The following MGAT5 variants were observed in gnomAD, a reference collection of about 807,000 sequenced individuals.
MGAT5 encodes the protein alpha-1,6-mannosylglycoprotein 6-beta-N-acetylglucosaminyltransferase A.
A neutral mutation model predicts 94.3 loss-of-function variants in MGAT5; 30 were observed. The observed-to-expected ratio is 0.32, with a 90% CI of 0.24 to 0.43. MGAT5 has a LOEUF of 0.43. Ranked by LOEUF, MGAT5 falls within the 20% of genes least tolerant of loss-of-function variation. The probability of loss-of-function intolerance (pLI) is 1.00; values close to 1 mark genes in which losing one functional copy is unlikely to be tolerated. For synonymous variants in MGAT5, 310 were observed against 322.9 expected, an observed-to-expected ratio of 0.96 and a Z score of 0.43; for missense variants, 691 against 905.5, an observed-to-expected ratio of 0.76 and a Z score of 3.04.
intron 1 of MGAT5, among the ~76,000 whole-genome samples, chr2:134,162,273 AT>A (rs1190010728): frequency 1.3e-5 from 2 of 151,950 alleles, no homozygotes; most frequent in Non-Finnish European, 2.9e-5. Context: ...TCTTGTACTC[AT>A]GGTGTTAGGA....
chr2:134,436,690 C>T (rs890115710), intron 14 of MGAT5, among the ~76,000 whole-genome samples: 3 of 152,316 alleles, frequency 2.0e-5, no homozygotes, highest in Admixed American at 1.3e-4. Context: ...AATGCAGTAC[C>T]TTGGAAGCTC....
intron 2 of MGAT5, among the ~76,000 whole-genome samples, chr2:134,282,387 C>T (rs2105724950): frequency 6.6e-6 from 1 of 152,268 alleles, no homozygotes; most frequent in Middle Eastern, 3.4e-3. Context: ...ATCATCTCTA[C>T]CTTTGAGTTG....
At chr2:134,173,235 T>C (rs1218244652) in intron 1 of MGAT5, among the ~76,000 whole-genome samples, 1 of 152,226 alleles carries the variant, frequency 6.6e-6, no homozygotes, top group Non-Finnish European at 1.5e-5. Context: ...AATAGGAATG[T>C]GACTTCATTT....
At chr2:134,168,586 G>A (rs775828444) in intron 1 of MGAT5, among the ~76,000 whole-genome samples, 9 of 152,226 alleles carry the variant, frequency 5.9e-5, no homozygotes, top group Non-Finnish European at 1.3e-4. Flanking sequence ...TGAAAGCCAC[G>A]TGAAGCTAGT....
In MGAT5 at chr2:134,450,577, G is replaced by A. The variant is rs1036833987; in HGVS notation, c.*1730G>A. The A allele has an allele frequency of 1.3e-5, 2 of 152,166 alleles. No homozygotes were observed. The highest frequency in any genetic ancestry group is 4.8e-5 in the African/African-American group (2 of 41,426). 9.4% of individuals were successfully genotyped at this position (152,166 alleles called of 1,614,324 possible). A position where few individuals can be genotyped will look rare whatever the true frequency, so the allele number is the denominator to read the frequency against. The stretch of plus-strand genomic sequence containing the variant: ...GATCCCTGCTCAGTGCGTCTCAATT[G>A]TATCTCCAGTCTAAGAGGAGGGTGG... On this transcript the variant is annotated 3_prime_UTR_variant, in exon 16 of 16. Transcript: ENST00000281923.
intron 1 of MGAT5, among the ~76,000 whole-genome samples, chr2:134,153,261 ATAACT>A (rs1267401452): frequency 5.3e-5 from 8 of 152,230 alleles, no homozygotes; most frequent in Admixed American, 1.3e-4. Flanking sequence ...GGTTAAAAAA[ATAACT>A]TAAGGAGCAC....
intron 2 of MGAT5, among the ~76,000 whole-genome samples, chr2:134,283,660 T>TC (rs1162768450): frequency 4.8e-5 from 7 of 147,124 alleles, no homozygotes; most frequent in Admixed American, 4.7e-4. Context: ...TTTTTTTTTT[T>TC]TTTTTTTTTT....
intron 2 of MGAT5, among the ~76,000 whole-genome samples, chr2:134,301,302 T>C (rs968530384): frequency 6.6e-6 from 1 of 152,154 alleles, no homozygotes; most frequent in Non-Finnish European, 1.5e-5. Context: ...TCATTTCCAG[T>C]TGTGAGCTGT....
At chr2:134,368,262 A>C (rs920292770) in intron 10 of MGAT5, among the ~76,000 whole-genome samples, 4 of 152,112 alleles carry the variant, frequency 2.6e-5, no homozygotes, top group Non-Finnish European at 5.9e-5. Context: ...CACAGGTAAA[A>C]TGTTGCTCCT....
chr2:134,227,270 G>A (rs1195734683), intron 1 of MGAT5, among the ~76,000 whole-genome samples: 1 of 152,150 alleles, frequency 6.6e-6, no homozygotes, highest in Non-Finnish European at 1.5e-5. Context: ...CTGCAACAGT[G>A]AGAAACTTGA....
At chr2:134,297,131 A>G (rs1349791228) in intron 2 of MGAT5, among the ~76,000 whole-genome samples, 1 of 150,196 alleles carries the variant, frequency 6.7e-6, no homozygotes, top group African/African-American at 2.5e-5. Context: ...CAGGAGATTA[A>G]GATTGCAGTG....
At chr2:134,154,955 A>G (rs563619215) in intron 1 of MGAT5, among the ~76,000 whole-genome samples, 7 of 152,266 alleles carry the variant, frequency 4.6e-5, no homozygotes, top group African/African-American at 1.7e-4. Flanking sequence ...CTAAACAAAG[A>G]ACAGACTTTT....
intron 10 of MGAT5, among the ~76,000 whole-genome samples, chr2:134,375,447 A>G (rs1206427619): frequency 2.0e-5 from 3 of 152,232 alleles, no homozygotes; most frequent in Admixed American, 1.3e-4. Context: ...GAAATCCACT[A>G]TGCAGAGTAG....
chr2:134,188,376 A>G (rs1307079823), intron 1 of MGAT5, among the ~76,000 whole-genome samples: 3 of 152,236 alleles, frequency 2.0e-5, no homozygotes, highest in Admixed American at 6.5e-5. Flanking sequence ...CCCCTCTGCC[A>G]TGTGGCCTTG....
intron 9 of MGAT5, among the ~76,000 whole-genome samples, chr2:134,360,738 G>A (rs1680035114): frequency 6.6e-6 from 1 of 152,206 alleles, no homozygotes; most frequent in Admixed American, 6.5e-5. Context: ...GGGGAGAAAA[G>A]CAACTATCGC....
At chr2:134,178,473 T>G (rs911061542) in intron 1 of MGAT5, among the ~76,000 whole-genome samples, 5 of 151,938 alleles carry the variant, frequency 3.3e-5, no homozygotes, top group Non-Finnish European at 7.4e-5. Flanking sequence ...GCAAATGGAG[T>G]TGGGAGAGAG....
chr2:134,355,428 T>C (rs1679672889), intron 9 of MGAT5, among the ~76,000 whole-genome samples: 1 of 152,194 alleles, frequency 6.6e-6, no homozygotes. Context: ...TCCTAAGTCA[T>C]AGTTATTTGG....
At chr2:134,329,344 A>G (rs1039587043) in intron 4 of MGAT5, among the ~76,000 whole-genome samples, 3 of 152,088 alleles carry the variant, frequency 2.0e-5, no homozygotes, top group Non-Finnish European at 4.4e-5. Context: ...ATGTGATCCA[A>G]TTTTGGCGTT....
chr2:134,143,332 G>A (rs1299404658), intron 1 of MGAT5, among the ~76,000 whole-genome samples: 1 of 152,218 alleles, frequency 6.6e-6, no homozygotes, highest in Admixed American at 6.5e-5. Flanking sequence ...GACTGATTCT[G>A]TGTTTTGTGG....
Sources: gnomAD v4.1 joint callset for allele counts (sites outside exome capture counted in the v4.1 genomes callset) on GRCh38, gnomAD v4.1.1 for gene constraint, MANE v1.5 for transcripts, NCBI Gene and HGNC (gene_info 2026-07-23, HGNC 2026-07-21) for gene names.